TJP1: variants seen among roughly 807,000 people sequenced by gnomAD.
TJP1 encodes tight junction protein 1, also known as tight junction protein ZO-1.
Under a neutral mutation model 194.2 loss-of-function variants are expected in TJP1, and 43 were observed. That is an observed-to-expected ratio of 0.22 (90% CI 0.17 to 0.29). The LOEUF is 0.29. Among genes scored for constraint, TJP1 ranks in the 10% least tolerant of loss-of-function variants. The pLI is 1.00. For missense variants in TJP1, 1,971 were observed against 2,185.7 expected (o/e 0.90, Z 1.96); for synonymous variants, 801 against 779.0 (o/e 1.03, Z -0.47).
At chr15:29,868,138 C>T (rs1046952468) in intron 2 of TJP1, among the ~76,000 whole-genome samples, 8 of 151,450 alleles carry the variant, frequency 5.3e-5, no homozygotes, top group East Asian at 1.9e-4. Context: ...GTGGAATGAT[C>T]GTTTGAGCCT....
intron 2 of TJP1, among the ~76,000 whole-genome samples, chr15:29,919,390 C>T (rs1167568707): frequency 6.6e-6 from 1 of 152,148 alleles, no homozygotes; most frequent in African/African-American, 2.4e-5. Flanking sequence ...TTCATGCAGT[C>T]ATACAACAGT....
At chr15:29,919,768 T>G (rs2054297291) in intron 2 of TJP1, among the ~76,000 whole-genome samples, 1 of 152,170 alleles carries the variant, frequency 6.6e-6, no homozygotes, top group East Asian at 1.9e-4. Context: ...AGATTTTCTC[T>G]TGCTCCCAGC....
chr15:29,815,906 T>C (rs886201968), intron 1 of TJP1, among the ~76,000 whole-genome samples: 12 of 152,172 alleles, frequency 7.9e-5, no homozygotes, highest in African/African-American at 2.7e-4. Context: ...GGAGTGGAAC[T>C]ACTGTACTTT....
rs2043049829 is a variant in TJP1, at chr15:29,723,367, G to A, written c.2413-2659C>T. 1.3e-5 allele frequency among the ~76,000 whole-genome samples: 2 copies of A among 152,146 alleles called. 1 individual carries two copies. Among genetic ancestry groups the A allele is most frequent in the South Asian group, 4.1e-4 (2 of 4,826 alleles). ...ATAAGAGTTCTCCCAAGCTCTGTCT[G>A]TTTAAAAGTGTGTAGTACTCCCCCC... On this transcript the variant is annotated intron_variant, in intron 18 of 27. Coordinates refer to ENST00000614355, the MANE Select transcript of TJP1 (RefSeq NM_001330239.4).
At position 29,840,978 on chromosome 15, in the gene TJP1, A is replaced by G. The variant is rs539717411; in HGVS notation, c.307-40276T>C. On this transcript the variant is annotated intron_variant, in intron 2 of 28. Transcript: ENST00000356107. Reference sequence around the variant, plus strand: ...TAGATGTGTGGCTATCTGAAATTGCAAACTGTGAACCAGAGAATAAGAGTT... The same window carrying G: ...TAGATGTGTGGCTATCTGAAATTGCGAACTGTGAACCAGAGAATAAGAGTT... Among the ~76,000 whole-genome samples the G allele has an allele frequency of 2.6e-5, 4 of 152,272 alleles. No homozygotes were observed. In the East Asian group the frequency reaches 5.8e-4, roughly 22 times the overall value.
At chr15:29,889,544 T>TA (rs2053235195) in intron 2 of TJP1, among the ~76,000 whole-genome samples, 1 of 152,308 alleles carries the variant, frequency 6.6e-6, no homozygotes, top group African/African-American at 2.4e-5. Context: ...CTAACTTCAG[T>TA]AAACTGAATG....
intron 2 of TJP1, among the ~76,000 whole-genome samples, chr15:29,881,466 T>C (rs1337094467): frequency 6.6e-6 from 1 of 152,200 alleles, no homozygotes; most frequent in African/African-American, 2.4e-5. Context: ...TCCATTGTGG[T>C]AGTAAGGAGG....
At chr15:29,930,578 C>G (rs1365017479) in intron 2 of TJP1, among the ~76,000 whole-genome samples, 1 of 152,182 alleles carries the variant, frequency 6.6e-6, no homozygotes, top group East Asian at 1.9e-4. Context: ...GAGGATTTCT[C>G]TAACCTGATA....
chr15:29,835,161 A>G (rs2050984258), intron 2 of TJP1, among the ~76,000 whole-genome samples: 2 of 152,186 alleles, frequency 1.3e-5, no homozygotes, highest in African/African-American at 4.8e-5. Flanking sequence ...TTCATCCCTG[A>G]CTATGAGGCC....
At chr15:29,961,892 T>G (rs1044465118) in intron 1 of TJP1, among the ~76,000 whole-genome samples, 2 of 152,210 alleles carry the variant, frequency 1.3e-5, no homozygotes, top group African/African-American at 2.4e-5. Flanking sequence ...AGCCAGCACC[T>G]GCCCCAATAT....
At chr15:29,930,754 C>T (rs532839157) in intron 2 of TJP1, among the ~76,000 whole-genome samples, 17 of 151,950 alleles carry the variant, frequency 1.1e-4, no homozygotes, top group Non-Finnish European at 2.2e-4. Flanking sequence ...AAAGGACTGG[C>T]GTAAGGATTG....
chr15:29,704,335 G>A lies in TJP1; in HGVS notation c.5069-30C>T, dbSNP rs767548547. Reference sequence around the variant, plus strand: ...AGTTGGAAAAGGGGATAGGCAGAGAGGATGGATGTGGTCTTTCTTCTAGAA... The same window carrying A: ...AGTTGGAAAAGGGGATAGGCAGAGAAGATGGATGTGGTCTTTCTTCTAGAA... On this transcript the variant is annotated intron_variant, in intron 26 of 27. Coordinates refer to ENST00000614355, the MANE Select transcript of TJP1 (RefSeq NM_001330239.4). 5.8e-6 allele frequency: 9 copies of A among 1,557,430 alleles called. No homozygotes were observed. In the African/African-American group the frequency reaches 1.2e-4, roughly 21 times the overall value.
intron 3 of TJP1, 139 bp downstream of exon 3, chr15:29,773,094 T>G (rs2046795104): frequency 2.9e-6 from 3 of 1,041,966 alleles, no homozygotes; most frequent in Non-Finnish European, 3.9e-6. Flanking sequence ...TATGTTAATT[T>G]AAGGAAAAAT....
At chr15:29,968,396 C>T in intron 1 of TJP1, 1 of 985,288 alleles carries the variant, frequency 1.0e-6, no homozygotes, top group Non-Finnish European at 1.2e-6. Flanking sequence ...GCCAGGCGTC[C>T]CGGCCGCTCC....
At chr15:29,824,445 AATC>A (rs34399157), upstream of TJP1, among the ~76,000 whole-genome samples, 821 of 145,900 alleles carry the variant, frequency 5.6e-3, 4 homozygotes, top group African/African-American at 7.4e-3. Context: ...CTCCGTCTCA[AATC>A]ATCATCATCA....
chr15:29,775,430 T>C (rs1280813492), intron 2 of TJP1, among the ~76,000 whole-genome samples: 2 of 152,124 alleles, frequency 1.3e-5, no homozygotes, highest in East Asian at 1.9e-4. Context: ...GGTTTTGCTG[T>C]CACACCTAAA....
intron 2 of TJP1, among the ~76,000 whole-genome samples, chr15:29,950,162 A>T (rs183246571): frequency 1.3e-4 from 12 of 94,882 alleles, no homozygotes; most frequent in African/African-American, 3.5e-4. Flanking sequence ...CTCCACCACC[A>T]CCACAACCAC....
At chr15:29,890,568 G>A (rs1462337344) in intron 2 of TJP1, among the ~76,000 whole-genome samples, 6 of 152,094 alleles carry the variant, frequency 3.9e-5, no homozygotes, top group Admixed American at 3.9e-4. Flanking sequence ...TCTGAAAAGA[G>A]CAAAGAGTAA....
At chr15:29,967,972 G>T (rs1371453354) in intron 1 of TJP1, 18 of 776,286 alleles carry the variant, frequency 2.3e-5, no homozygotes, top group Non-Finnish European at 2.3e-5. Flanking sequence ...TACCTAGGTG[G>T]CTCCTGGGAT....
Sources: gnomAD v4.1 joint callset for allele counts (sites outside exome capture counted in the v4.1 genomes callset) on GRCh38, gnomAD v4.1.1 for gene constraint, MANE v1.5 for transcripts, NCBI Gene and HGNC (gene_info 2026-07-23, HGNC 2026-07-21) for gene names.